The following IP6K1 variants were observed in gnomAD, a reference collection of about 807,000 sequenced individuals.
The protein encoded by IP6K1 is ATP:1D-myo-inositol-hexakisphosphate phosphotransferase.
A neutral mutation model predicts 38.3 loss-of-function variants in IP6K1; 13 were observed. That is an observed-to-expected ratio of 0.34 (90% CI 0.22 to 0.54). IP6K1 has a LOEUF of 0.54. IP6K1 is among the 20% of genes least tolerant of loss of function. The probability of loss-of-function intolerance (pLI) is 0.92; values close to 1 mark genes in which losing one functional copy is unlikely to be tolerated. For missense variants in IP6K1, 397 were observed against 599.8 expected (o/e 0.66, Z 3.53); for synonymous variants, 212 against 229.9 (o/e 0.92, Z 0.70).
intron 1 of IP6K1, chr3:49,775,571 C>T: frequency 9.5e-7 from 1 of 1,047,236 alleles, no homozygotes; most frequent in Non-Finnish European, 1.4e-6. Flanking sequence ...CTAAGACAGA[C>T]CTCTTCTACG....
At chr3:49,754,884 T>C (rs2108243774) in intron 1 of IP6K1, among the ~76,000 whole-genome samples, 1 of 151,996 alleles carries the variant, frequency 6.6e-6, no homozygotes, top group East Asian at 1.9e-4. Flanking sequence ...GGCCAACATA[T>C]TTTTACAACC....
Position 49,786,461 on chromosome 3 carries a change from C to T in IP6K1, c.-236G>A, listed in dbSNP as rs2081114322. On this transcript the variant is annotated 5_prime_UTR_variant, in exon 1 of 6. Transcript: ENST00000321599. Reference sequence around the variant, plus strand: ...GCAGGCAGCACAGGTGGCTGAGCACCGCTACAGCGGCCTCTCACCGGCCGC... The same window carrying T: ...GCAGGCAGCACAGGTGGCTGAGCACTGCTACAGCGGCCTCTCACCGGCCGC... 1.3e-5 allele frequency: 2 copies of T among 152,360 alleles called. No individual in the cohort carries two copies. The highest frequency in any genetic ancestry group is 2.4e-5 in the African/African-American group (1 of 41,468). The allele number at this position is 152,360 out of a possible 1,614,324, so 9.4% of individuals were successfully genotyped here.
rs774367418 is a variant in IP6K1, at chr3:49,727,223, G to A, written c.1225C>T (p.Arg409Trp). ...CCATCATGCACGGTGGGGTCATCCCGGAAGCCCTTGAATGTGCTGTGTGCA... is the reference window on the plus strand; with the variant it reads ...CCATCATGCACGGTGGGGTCATCCCAGAAGCCCTTGAATGTGCTGTGTGCA... The part of the protein sequence containing the change: ...DFAHSTFKGF[R>W]DDPTVHDGPD... The change falls in exon 6 of 6, where the codon CGG becomes TGG. Residue 409 changes from arginine (R) to tryptophan (W), a missense_variant. By Grantham distance (101) the Arg-to-Trp change is moderately radical (BLOSUM62 -3). This residue lies in a region of IP6K1 where 164 missense variants were observed against 213.5 expected (regional missense o/e 0.77). Transcript: ENST00000321599. The surrounding 1 kb of genome is among the most constrained non-coding windows in gnomAD (Gnocchi z 5.9). 17 of 1,613,998 alleles carry A rather than the reference G, an allele frequency of 1.1e-5. No individual in the cohort carries two copies. The highest frequency in any genetic ancestry group is 1.7e-5 in the Admixed American group (1 of 59,990).
chr3:49,733,232 C>T (rs1395634250), intron 3 of IP6K1, among the ~76,000 whole-genome samples: 1 of 149,504 alleles, frequency 6.7e-6, no homozygotes, highest in Non-Finnish European at 1.5e-5. Context: ...AATACCACTT[C>T]ACATCCATTA....
Position 49,727,143 on chromosome 3 carries a change from C to G in IP6K1, c.1305G>C (p.Gln435His), listed in dbSNP as rs745567837. The G allele has an allele frequency of 3.7e-6, 6 of 1,610,462 alleles. No individual in the cohort carries two copies. The highest frequency in any genetic ancestry group is 4.2e-6 in the Non-Finnish European group (5 of 1,177,368). ...GLENLISIME[Q>H]MRDENQ ...GGGCCTACTGGTTCTCGTCCCGCAT[C>G]TGTTCCATGATGCTGATGAGGTTCT... The change falls in exon 6 of 6, where the codon CAG (glutamine) becomes CAC (histidine). Residue 435 changes from glutamine (Q) to histidine (H), a missense_variant. Transcript: ENST00000321599. This position sits in a 1 kb window ranked among gnomAD's most constrained non-coding sequence, Gnocchi z 5.9.
intron 1 of IP6K1, chr3:49,785,673 C>A (rs1183438359): frequency 1.3e-5 from 2 of 152,214 alleles, no homozygotes; most frequent in Admixed American, 1.3e-4. Flanking sequence ...TACTCACTTT[C>A]TCCTAAAGCA....
At chr3:49,756,391 A>AT (rs2080823022) in intron 1 of IP6K1, among the ~76,000 whole-genome samples, 1 of 152,150 alleles carries the variant, frequency 6.6e-6, no homozygotes, top group Non-Finnish European at 1.5e-5. Context: ...CCCTAAATAC[A>AT]TTTTTTAGTA....
chr3:49,743,241 T>TACACACAC lies in IP6K1; in HGVS notation c.223+4569_223+4576dup, dbSNP rs202144754. ...TCTCAAAACAAAAACAAAAACAAAA[T>TACACACAC]ACACACACACACACACACACACACA... On this transcript the variant is annotated intron_variant, in intron 2 of 5. Coordinates refer to ENST00000321599, the MANE Select transcript of IP6K1 (RefSeq NM_153273.4). 8.0e-3 allele frequency among the ~76,000 whole-genome samples: 1,100 copies of TACACACAC among 137,280 alleles called. 13 individuals are homozygous for TACACACAC. The highest frequency in any genetic ancestry group is 0.021 in the African/African-American group (755 of 35,632). The allele number at this position is 137,280 out of a possible 152,430, so 90.1% of individuals were successfully genotyped here.
rs752807582 is a variant in IP6K1 at position 49,726,355 on chromosome 3, C to T, written c.*767G>A. Reference sequence around the variant, plus strand: ...CTGTCTGGGCCAGAGCCACCAGAGGCCCTGAGGCCTGCTAGGACACCGACT... The same window carrying T: ...CTGTCTGGGCCAGAGCCACCAGAGGTCCTGAGGCCTGCTAGGACACCGACT... On this transcript the variant is annotated 3_prime_UTR_variant, in exon 6 of 6. Coordinates refer to ENST00000321599, the MANE Select transcript of IP6K1 (RefSeq NM_153273.4). The T allele has an allele frequency of 2.0e-5, 3 of 152,856 alleles. No homozygotes were observed. The highest frequency in any genetic ancestry group is 4.4e-5 in the Non-Finnish European group (3 of 68,066). The allele number at this position is 152,856 out of a possible 1,614,324, so 9.5% of individuals were successfully genotyped here.
At chr3:49,731,639 G>A (rs540299231) in intron 4 of IP6K1, among the ~76,000 whole-genome samples, 6 of 152,114 alleles carry the variant, frequency 3.9e-5, no homozygotes, top group African/African-American at 1.4e-4. Context: ...AATTAACTAC[G>A]TACAAAAGGT....
chr3:49,737,824 T>C (rs1431516287), intron 3 of IP6K1, among the ~76,000 whole-genome samples: 1 of 152,234 alleles, frequency 6.6e-6, no homozygotes, highest in Non-Finnish European at 1.5e-5. Context: ...GAACTCCTGG[T>C]TGGACTCATA....
In IP6K1 at chr3:49,732,918, A is replaced by G. The variant is rs2080576207; in HGVS notation, c.489T>C (p.Pro163=). 2 of 1,613,972 alleles carry G rather than the reference A, an allele frequency of 1.2e-6. No individual in the cohort carries two copies. The highest frequency in any genetic ancestry group is 1.3e-5 in the African/African-American group (1 of 74,910). The change falls in exon 4 of 6, where the codon CCT becomes CCC. Residue 163 remains proline, a synonymous_variant. Transcript: ENST00000321599. ...KVELHSHSEV[P]FQMLDGNSGL... ...CACTGTTGCCATCTAGCATCTGGAA[A>G]GGGACCTCTGAGTGGCTGTGCAGCT...
chr3:49,738,330 C>T lies in IP6K1; in HGVS notation c.316G>A (p.Asp106Asn). Residue 106 changes from aspartate to asparagine, a missense_variant, in exon 3 of 6, where the codon GAC (aspartate) becomes AAC (asparagine). Physicochemically the swap from Asp to Asn is conservative, Grantham distance 23. Around this residue, in one of 3 missense-constraint regions of IP6K1, gnomAD observed 171 missense variants for 237.0 expected, o/e 0.72. Coordinates refer to ENST00000321599, the MANE Select transcript of IP6K1 (RefSeq NM_153273.4). Reference protein sequence around the residue: ...YVESETVEQDDTTEREQPRRK... With the variant: ...YVESETVEQDNTTEREQPRRK... ...CGAGGTTGCTCCCGTTCTGTTGTGTCATCCTGTTCCACAGTCTCACTTTCC... is the reference window on the plus strand; with the variant it reads ...CGAGGTTGCTCCCGTTCTGTTGTGTTATCCTGTTCCACAGTCTCACTTTCC... 6.2e-7 allele frequency: 1 copy of T among 1,614,202 alleles called. No individual in the cohort carries two copies. Among genetic ancestry groups the T allele is most frequent in the South Asian group, 1.1e-5 (1 of 91,088 alleles).
At chr3:49,764,246 G>GTGAT (rs1374444982) in intron 1 of IP6K1, among the ~76,000 whole-genome samples, 1 of 151,892 alleles carries the variant, frequency 6.6e-6, no homozygotes, top group Non-Finnish European at 1.5e-5. Context: ...GCCAGACATG[G>GTGAT]TGATGCACAC....
intron 2 of IP6K1, among the ~76,000 whole-genome samples, chr3:49,746,058 G>A (rs1241159383): frequency 6.6e-6 from 1 of 152,158 alleles, no homozygotes. Flanking sequence ...GAAAAGGAGT[G>A]TTGGTAAGGA....
chr3:49,784,983 A>G (rs2081099151), intron 1 of IP6K1, among the ~76,000 whole-genome samples: 1 of 152,162 alleles, frequency 6.6e-6, no homozygotes, highest in African/African-American at 2.4e-5. Context: ...AAAAGTGCAC[A>G]AAGTATTGTC....
intron 1 of IP6K1, among the ~76,000 whole-genome samples, chr3:49,780,306 T>TCACACACACACA (rs1405695613): frequency 2.9e-3 from 31 of 10,866 alleles, no homozygotes; most frequent in African/African-American, 5.9e-3. Flanking sequence ...TTATCATCTT[T>TCACACACACACA]CATACACACA....
Position 49,727,556 on chromosome 3 carries a change from G to A in IP6K1, c.892C>T (p.His298Tyr). The A allele has an allele frequency of 1.9e-6, 3 of 1,614,218 alleles. No individual in the cohort carries two copies. The highest frequency in any genetic ancestry group is 2.5e-6 in the Non-Finnish European group (3 of 1,180,026). ...GFRNALYQYL[H>Y]NGLDLRRDLF... is the part of the protein sequence containing the mutation. ...TCACGTCGCAGGTCCAGGCCATTGT[G>A]CAGATATTGATAGAGGGCATTGCGG... The change falls in exon 6 of 6, where the codon CAC (histidine) becomes TAC (tyrosine). Residue 298 changes from histidine to tyrosine, a missense_variant. Around this residue, in one of 3 missense-constraint regions of IP6K1, gnomAD observed 164 missense variants for 213.5 expected, o/e 0.77. Transcript: ENST00000321599. This position sits in a 1 kb window ranked among gnomAD's most constrained non-coding sequence, Gnocchi z 5.9.
intron 1 of IP6K1, among the ~76,000 whole-genome samples, chr3:49,753,969 AAGAC>A (rs1323285290): frequency 5.9e-5 from 9 of 152,306 alleles, no homozygotes; most frequent in Non-Finnish European, 1.2e-4. Flanking sequence ...CAGAAGGAAA[AAGAC>A]AGCCTATGAG....
Sources: gnomAD v4.1 joint callset for allele counts (sites outside exome capture counted in the v4.1 genomes callset) on GRCh38, gnomAD v4.1.1 for gene constraint, gnomAD v4.1.1 regional missense constraint, Gnocchi (gnomAD v3.1) non-coding constraint, MANE v1.5 for transcripts, NCBI Gene and HGNC (gene_info 2026-07-23, HGNC 2026-07-21) for gene names.